KIDINS220: variants seen among roughly 807,000 people sequenced by gnomAD.
KIDINS220 encodes the protein kinase D-interacting substrate of 220 kDa.
A neutral mutation model predicts 157.6 loss-of-function variants in KIDINS220; 63 were observed. That is an observed-to-expected ratio of 0.40 (90% CI 0.33 to 0.49). The LOEUF (loss-of-function observed/expected upper bound fraction) is 0.49, where lower values mean the gene tolerates loss of function less well. Ranked by LOEUF, KIDINS220 falls within the 20% of genes least tolerant of loss-of-function variation. The pLI is 0.66. For missense variants in KIDINS220, 1,772 were observed against 2,171.2 expected, an observed-to-expected ratio of 0.82 and a Z score of 3.65; for synonymous variants, 732 against 783.6, an observed-to-expected ratio of 0.93 and a Z score of 1.10.
intron 9 of KIDINS220, 54 bp from the exon 10 acceptor site, chr2:8,798,354 T>TA: frequency 2.1e-6 from 2 of 975,080 alleles, no homozygotes; most frequent in Non-Finnish European, 3.3e-6. Context: ...TATTTAAAAC[T>TA]GCTACTTATA....
chr2:8,804,700 T>C (rs1049628612), intron 7 of KIDINS220, among the ~76,000 whole-genome samples: 5 of 152,226 alleles, frequency 3.3e-5, no homozygotes, highest in African/African-American at 7.2e-5. Context: ...AACCATTTGA[T>C]TTGAACAGTT....
chr2:8,789,615 T>C (rs1672914394), intron 14 of KIDINS220, among the ~76,000 whole-genome samples: 1 of 152,118 alleles, frequency 6.6e-6, no homozygotes, highest in African/African-American at 2.4e-5. Context: ...ATATAAATCA[T>C]TAATTAACAA....
intron 21 of KIDINS220, 137 bp from the exon 22 acceptor site, chr2:8,770,969 C>G: frequency 2.0e-6 from 1 of 501,446 alleles, no homozygotes; most frequent in South Asian, 5.5e-5. Flanking sequence ...AAATCTAGTA[C>G]TGCCATGGCT....
At chr2:8,757,298 T>C (rs1025541885) in intron 22 of KIDINS220, 3 of 998,206 alleles carry the variant, frequency 3.0e-6, no homozygotes, top group Non-Finnish European at 3.6e-6. Flanking sequence ...GGAAGCAGCA[T>C]GTCCTACAAC....
chr2:8,803,921 T>C (rs1429229838), intron 7 of KIDINS220, among the ~76,000 whole-genome samples: 3 of 152,220 alleles, frequency 2.0e-5, no homozygotes, highest in Admixed American at 2.0e-4. Flanking sequence ...CTTCTTGAGA[T>C]GTTCATCTAC....
chr2:8,728,413 C>G (rs1663561968), downstream of KIDINS220, among the ~76,000 whole-genome samples: 1 of 152,118 alleles, frequency 6.6e-6, no homozygotes. Flanking sequence ...ATTAGAGCAC[C>G]AATTTCTTTT....
intron 7 of KIDINS220, among the ~76,000 whole-genome samples, chr2:8,803,497 A>T (rs1159531419): frequency 6.6e-6 from 1 of 152,180 alleles, no homozygotes; most frequent in Non-Finnish European, 1.5e-5. Flanking sequence ...ATATAAACAC[A>T]TTCTAAATTA....
chr2:8,776,453 C>G (rs1670967890), intron 21 of KIDINS220, among the ~76,000 whole-genome samples: 2 of 151,790 alleles, frequency 1.3e-5, no homozygotes, highest in Admixed American at 1.3e-4. Flanking sequence ...AGCTTATACT[C>G]AGTAATACAA....
intron 22 of KIDINS220, among the ~76,000 whole-genome samples, chr2:8,755,568 AT>A (rs1460452633): frequency 6.6e-6 from 1 of 152,244 alleles, no homozygotes; most frequent in East Asian, 1.9e-4. Flanking sequence ...TTAAAATAGA[AT>A]AATTTTCACC....
rs370863668 is a variant in KIDINS220, at chr2:8,827,099, C to A, written c.-6G>T. ...TGTGATATCAAAACTGACATTTTCACAGAAAGCTGCAATTAACTTTATTTG... is the reference window on the plus strand; with the variant it reads ...TGTGATATCAAAACTGACATTTTCAAAGAAAGCTGCAATTAACTTTATTTG... On this transcript the variant is annotated 5_prime_UTR_variant, in exon 2 of 30. Coordinates refer to ENST00000256707, the MANE Select transcript of KIDINS220 (RefSeq NM_020738.4). 1.3e-6 allele frequency: 2 copies of A among 1,487,116 alleles called. No homozygotes were observed. Among genetic ancestry groups the A allele is most frequent in the Non-Finnish European group, 1.9e-6 (2 of 1,075,142 alleles). 92.1% of individuals were successfully genotyped at this position (1,487,116 alleles called of 1,614,324 possible). A position where few individuals can be genotyped will look rare whatever the true frequency, so the allele number is the denominator to read the frequency against.
In KIDINS220 at chr2:8,776,875, C is replaced by T. The variant is rs1449846348; in HGVS notation, c.2721G>A (p.Arg907=). ...ALNRRDTYRR[R]QMQRTITRQM... ...GGCGAGTGATGGTCCTCTGCATCTG[C>T]CTTCTTCGGTAAGTGTCCTGAAACA... The change falls in exon 21 of 30, where the codon AGG becomes AGA. Residue 907 remains arginine, a synonymous_variant. Transcript: ENST00000256707. The T allele has an allele frequency of 8.1e-6, 13 of 1,613,706 alleles. No individual in the cohort carries two copies. Among genetic ancestry groups the T allele is most frequent in the Non-Finnish European group, 1.1e-5 (13 of 1,179,812 alleles).
intron 4 of KIDINS220, among the ~76,000 whole-genome samples, chr2:8,816,311 G>A (rs1257617090): frequency 1.3e-5 from 2 of 152,156 alleles, no homozygotes; most frequent in African/African-American, 4.8e-5. Context: ...TTTGGAGCAG[G>A]GAGACCTGGT....
chr2:8,795,441 G>T (rs1673773200), intron 11 of KIDINS220, among the ~76,000 whole-genome samples: 2 of 152,200 alleles, frequency 1.3e-5, no homozygotes, highest in African/African-American at 4.8e-5. Context: ...AAAATAATCA[G>T]AGAGCAGTGA....
At chr2:8,829,777 T>C (rs2148447000) in intron 1 of KIDINS220, among the ~76,000 whole-genome samples, 1 of 152,288 alleles carries the variant, frequency 6.6e-6, no homozygotes, top group Middle Eastern at 3.4e-3. Flanking sequence ...CTACATGTTC[T>C]GGAATGTGAT....
At chr2:8,753,594 T>C (rs924999724) in intron 22 of KIDINS220, among the ~76,000 whole-genome samples, 3 of 152,252 alleles carry the variant, frequency 2.0e-5, no homozygotes, top group East Asian at 1.9e-4. Context: ...TCACTGGATA[T>C]ATCCTTCCAA....
chr2:8,757,246 A>C (rs1029454014), intron 22 of KIDINS220: 20 of 986,352 alleles, frequency 2.0e-5, no homozygotes, highest in Admixed American at 1.2e-4. Flanking sequence ...TTGAATAAAA[A>C]TCCCATACAA....
At chr2:8,817,884 A>G (rs1353506937) in intron 3 of KIDINS220, among the ~76,000 whole-genome samples, 168 bp from the exon 4 acceptor site, 1 of 152,230 alleles carries the variant, frequency 6.6e-6, no homozygotes, top group African/African-American at 2.4e-5. Flanking sequence ...TTAAGATTCT[A>G]TCTGTCCACT....
chr2:8,811,865 A>T (rs1387839877), intron 6 of KIDINS220, among the ~76,000 whole-genome samples: 1 of 151,828 alleles, frequency 6.6e-6, no homozygotes, highest in African/African-American at 2.4e-5. Flanking sequence ...GAAGCTGAGG[A>T]GGAAGAGGCG....
At chr2:8,783,566 C>G (rs947467216) in intron 17 of KIDINS220, among the ~76,000 whole-genome samples, 3 of 151,958 alleles carry the variant, frequency 2.0e-5, no homozygotes, top group Non-Finnish European at 2.9e-5. Flanking sequence ...ACTTGACTCT[C>G]TATGTAGAAA....
Sources: allele counts gnomAD v4.1 joint callset (sites outside exome capture counted in the v4.1 genomes callset), GRCh38; gene constraint gnomAD v4.1.1; transcripts MANE v1.5; gene names NCBI Gene and HGNC (gene_info 2026-07-23, HGNC 2026-07-21).